The following OPCML variants were observed in gnomAD, a reference collection of about 807,000 sequenced individuals.
OPCML encodes the protein opioid-binding protein/cell adhesion molecule.
Under a neutral mutation model 37.8 loss-of-function variants are expected in OPCML, and 13 were observed. That is an observed-to-expected ratio of 0.34 (90% CI 0.22 to 0.55). OPCML has a LOEUF of 0.55. Among genes scored for constraint, OPCML ranks in the 20% least tolerant of loss-of-function variants. The pLI, the probability that OPCML is intolerant of heterozygous loss-of-function variation, is 0.91. For synonymous variants in OPCML, 176 were observed against 168.8 expected (o/e 1.04, Z -0.33); for missense variants, 341 against 435.6 (o/e 0.78, Z 1.93).
At chr11:133,366,243 T>C (rs1944537245) in intron 1 of OPCML, among the ~76,000 whole-genome samples, 1 of 152,192 alleles carries the variant, frequency 6.6e-6, no homozygotes, top group Admixed American at 6.5e-5. Flanking sequence ...CAAATCCTGC[T>C]GTGAGAGTCT....
At chr11:132,964,433 A>G (rs756280229) in intron 1 of OPCML, among the ~76,000 whole-genome samples, 1 of 152,196 alleles carries the variant, frequency 6.6e-6, no homozygotes, top group African/African-American at 2.4e-5. Flanking sequence ...CTGAGTAACT[A>G]TAAGAACTGA....
At chr11:133,170,237 G>C (rs1950269864) in intron 1 of OPCML, among the ~76,000 whole-genome samples, 1 of 152,232 alleles carries the variant, frequency 6.6e-6, no homozygotes, top group Non-Finnish European at 1.5e-5. Flanking sequence ...AGCACTTTGT[G>C]AGGCCGAGGC....
At chr11:133,442,076 G>A (rs1423873692) in intron 1 of OPCML, among the ~76,000 whole-genome samples, 1 of 152,170 alleles carries the variant, frequency 6.6e-6, no homozygotes, top group Non-Finnish European at 1.5e-5. Flanking sequence ...TTACAACCAA[G>A]CCTTATAGTG....
At chr11:133,511,869 A>G (rs920353148) in intron 1 of OPCML, among the ~76,000 whole-genome samples, 1 of 152,182 alleles carries the variant, frequency 6.6e-6, no homozygotes, top group African/African-American at 2.4e-5. Context: ...CCAAAGTCCT[A>G]GAACAGTGCT....
intron 1 of OPCML, among the ~76,000 whole-genome samples, chr11:133,022,832 T>C (rs1947478573): frequency 6.6e-6 from 1 of 152,212 alleles, no homozygotes; most frequent in Admixed American, 6.5e-5. Flanking sequence ...TACCCATTAA[T>C]TCCAGAGAGT....
intron 4 of OPCML, among the ~76,000 whole-genome samples, chr11:132,473,178 C>A (rs2096143539): frequency 6.6e-6 from 1 of 152,166 alleles, no homozygotes; most frequent in African/African-American, 2.4e-5. Context: ...TTTGGCAAAG[C>A]CATTCCCAGG....
At chr11:133,435,921 A>G (rs1946224557) in intron 1 of OPCML, among the ~76,000 whole-genome samples, 1 of 152,232 alleles carries the variant, frequency 6.6e-6, no homozygotes, top group South Asian at 2.1e-4. Flanking sequence ...AGCTGCTCAC[A>G]TTTGAAAACA....
chr11:133,267,991 A>T (rs1369688819), intron 1 of OPCML, among the ~76,000 whole-genome samples: 1 of 152,200 alleles, frequency 6.6e-6, no homozygotes, highest in Non-Finnish European at 1.5e-5. Flanking sequence ...AGAACAGACT[A>T]ATATACTCCT....
intron 1 of OPCML, among the ~76,000 whole-genome samples, chr11:133,076,250 T>C (rs1395186337): frequency 6.6e-6 from 1 of 152,206 alleles, no homozygotes; most frequent in Admixed American, 6.5e-5. Flanking sequence ...TGGCTACTTC[T>C]GTCTAATTCT....
At chr11:133,048,346 C>G (rs1948062352) in intron 1 of OPCML, among the ~76,000 whole-genome samples, 1 of 151,958 alleles carries the variant, frequency 6.6e-6, no homozygotes, top group East Asian at 1.9e-4. Context: ...AGCAGACGGA[C>G]TAGAGAGCAG....
At chr11:133,527,529 T>C (rs1328651870) in intron 1 of OPCML, among the ~76,000 whole-genome samples, 1 of 152,220 alleles carries the variant, frequency 6.6e-6, no homozygotes, top group Non-Finnish European at 1.5e-5. Flanking sequence ...CATACATATA[T>C]GGTCAGTATG....
intron 1 of OPCML, among the ~76,000 whole-genome samples, chr11:133,085,286 G>C (rs904475506): frequency 6.6e-6 from 1 of 152,138 alleles, no homozygotes; most frequent in African/African-American, 2.4e-5. Context: ...GTGTTCAAAC[G>C]CTTCTCTTTC....
chr11:133,371,549 T>C (rs1944676725), intron 1 of OPCML, among the ~76,000 whole-genome samples: 1 of 152,114 alleles, frequency 6.6e-6, no homozygotes, highest in Admixed American at 6.6e-5. Flanking sequence ...AGTGAGTCAG[T>C]TCTCACCAGA....
chr11:132,492,230 T>C (rs984291418), intron 4 of OPCML, among the ~76,000 whole-genome samples: 1 of 151,904 alleles, frequency 6.6e-6, no homozygotes, highest in Non-Finnish European at 1.5e-5. Flanking sequence ...AAGGGAGGTC[T>C]TGGAGGGCTT....
chr11:132,847,118 A>C (rs1251272407), intron 2 of OPCML, among the ~76,000 whole-genome samples: 1 of 152,176 alleles, frequency 6.6e-6, no homozygotes, highest in Non-Finnish European at 1.5e-5. Context: ...TCAGAATCTG[A>C]GGGTAAGCAC....
In OPCML at chr11:133,312,526, C is replaced by T. The variant is rs190781261; in HGVS notation, c.61+219738G>A. The stretch of plus-strand genomic sequence containing the variant: ...CCAAGGCAGGGGTAATTGTCTAACT[C>T]TTCCCTTTGCTCAGCCTGTGTAAAC... On this transcript the variant is annotated intron_variant, in intron 1 of 7. Coordinates refer to ENST00000524381, the MANE Select transcript of OPCML (RefSeq NM_001012393.5). Among the ~76,000 whole-genome samples, 473 of 152,316 alleles carry T rather than the reference C, an allele frequency of 3.1e-3. 3 individuals carry two copies. Among genetic ancestry groups the T allele is most frequent in the African/African-American group, 0.011 (456 of 41,564 alleles).
chr11:133,260,195 G>A (rs1941447916), intron 1 of OPCML, among the ~76,000 whole-genome samples: 1 of 151,960 alleles, frequency 6.6e-6, no homozygotes, highest in Non-Finnish European at 1.5e-5. Context: ...TTTGAAGAAG[G>A]TGGGAGCCGT....
chr11:133,119,839 G>A (rs1226210620), intron 1 of OPCML, among the ~76,000 whole-genome samples: 2 of 152,190 alleles, frequency 1.3e-5, no homozygotes, highest in Non-Finnish European at 2.9e-5. Flanking sequence ...ATGCACGTGG[G>A]AGTGAAGTGG....
At chr11:132,951,865 G>T (rs1400345608) in intron 1 of OPCML, among the ~76,000 whole-genome samples, 2 of 152,218 alleles carry the variant, frequency 1.3e-5, no homozygotes, top group African/African-American at 4.8e-5. Context: ...AAATGAAAAG[G>T]CTTCTGTGGT....
Sources: gnomAD v4.1 joint callset for allele counts (sites outside exome capture counted in the v4.1 genomes callset) on GRCh38, gnomAD v4.1.1 for gene constraint, MANE v1.5 for transcripts, NCBI Gene and HGNC (gene_info 2026-07-23, HGNC 2026-07-21) for gene names.